Variants in HS1BP3 observed in about 807,000 individuals in gnomAD.
HS1BP3 encodes the protein HCLS1 binding protein 3.
HS1BP3 carries 32 observed loss-of-function variants against 33.5 expected under a neutral mutation model. That is an observed-to-expected ratio of 0.95 (90% CI 0.72 to 1.28). The LOEUF (loss-of-function observed/expected upper bound fraction) is 1.28, where lower values mean the gene tolerates loss of function less well. Among genes scored for constraint, HS1BP3 ranks in the 50% most tolerant of loss-of-function variants. HS1BP3 has a pLI of 0.00. For synonymous variants in HS1BP3, 187 were observed against 209.2 expected (o/e 0.89, Z 0.92); for missense variants, 486 against 502.3 (o/e 0.97, Z 0.31).
At position 20,569,798 on chromosome 2, in the gene HS1BP3, C is replaced by T. The variant is rs982197667; in HGVS notation, c.303-9283G>A. On this transcript the variant is annotated intron_variant, in intron 5 of 5. Coordinates refer to the HS1BP3 transcript ENST00000446825. ...GGCTGTGGGCTAAGTTCTAGAGTAT[C>T]CAGGAAGCCCAAGCCTCACACATTC... 2.6e-5 allele frequency among the ~76,000 whole-genome samples: 4 copies of T among 152,340 alleles called. 1 individual carries two copies. In the South Asian group the frequency reaches 8.3e-4, roughly 32 times the overall value.
At chr2:20,572,160 C>T (rs1247048610) in intron 5 of HS1BP3, among the ~76,000 whole-genome samples, 1 of 152,204 alleles carries the variant, frequency 6.6e-6, no homozygotes, top group African/African-American at 2.4e-5. Context: ...GCAGGGCGGC[C>T]CAGGGGAGAG....
chr2:20,554,074 G>A, the HS1BP3 span, among the ~76,000 whole-genome samples: 1 of 152,110 alleles, frequency 6.6e-6, no homozygotes, highest in African/African-American at 2.4e-5. Context: ...TGACATCTAT[G>A]TTACATTACA....
chr2:20,597,925 C>T (rs1227674759), intron 3 of HS1BP3, among the ~76,000 whole-genome samples: 2 of 152,094 alleles, frequency 1.3e-5, no homozygotes, highest in Non-Finnish European at 1.5e-5. Context: ...GCCTCCTTAT[C>T]GAAGACTCCC....
intron 4 of HS1BP3, among the ~76,000 whole-genome samples, chr2:20,631,947 A>G (rs985685896): frequency 6.6e-6 from 1 of 152,242 alleles, no homozygotes; most frequent in Non-Finnish European, 1.5e-5. Context: ...AGGAAGCCAG[A>G]CCACAGCCTC....
At chr2:20,569,633 C>T (rs777225989) in intron 5 of HS1BP3, among the ~76,000 whole-genome samples, 9 of 152,366 alleles carry the variant, frequency 5.9e-5, no homozygotes, top group Admixed American at 1.3e-4. Flanking sequence ...AACAAACCCA[C>T]AGCCATGCCT....
intron 5 of HS1BP3, among the ~76,000 whole-genome samples, chr2:20,571,086 C>T (rs1198864679): frequency 1.3e-5 from 2 of 152,288 alleles, no homozygotes; most frequent in Admixed American, 1.3e-4. Flanking sequence ...CCATCTTCTT[C>T]CGCTGCTCTG....
rs570022524 is a variant in HS1BP3, at chr2:20,624,458, A to G, written c.784+274T>C. ...TGCACAGAGCCCTCCAGCAGAGTCCATGCAGGCGACACAGAGTCCCATTAA... is the reference window on the plus strand; with the variant it reads ...TGCACAGAGCCCTCCAGCAGAGTCCGTGCAGGCGACACAGAGTCCCATTAA... On this transcript the variant is annotated intron_variant, in intron 5 of 6. Coordinates refer to ENST00000304031, the MANE Select transcript of HS1BP3 (RefSeq NM_022460.4). 1.6e-4 allele frequency among the ~76,000 whole-genome samples: 25 copies of G among 152,280 alleles called. No individual in the cohort carries two copies. The South Asian group carries it at 5.0e-3, about 30-fold the overall frequency.
chr2:20,647,859 G>C (rs2149305204), intron 1 of HS1BP3, among the ~76,000 whole-genome samples: 1 of 152,264 alleles, frequency 6.6e-6, no homozygotes, highest in Admixed American at 6.5e-5. Flanking sequence ...TGCAGATTCT[G>C]GTTCTGCAGG....
At chr2:20,579,993 A>G (rs1457660656) in intron 5 of HS1BP3, among the ~76,000 whole-genome samples, 2 of 152,200 alleles carry the variant, frequency 1.3e-5, no homozygotes, top group African/African-American at 4.8e-5. Context: ...TTGTTTGTGG[A>G]TCTGTTTCTA....
At chr2:20,576,533 G>A (rs530381167) in intron 5 of HS1BP3, among the ~76,000 whole-genome samples, 2 of 152,264 alleles carry the variant, frequency 1.3e-5, no homozygotes, top group South Asian at 4.2e-4. Context: ...AATATCAGAG[G>A]AGGGCTGGAA....
At chr2:20,564,793 C>T (rs1007130600) in intron 5 of HS1BP3, among the ~76,000 whole-genome samples, 4 of 152,244 alleles carry the variant, frequency 2.6e-5, no homozygotes, top group African/African-American at 7.2e-5. Flanking sequence ...CCAGAAATAG[C>T]CTTTCTATTT....
rs200546426 is a variant in HS1BP3 at position 20,629,462 on chromosome 2, T to C, written c.624-4570A>G. 2.2e-4 allele frequency among the ~76,000 whole-genome samples: 34 copies of C among 152,126 alleles called. 1 individual carries two copies. Among genetic ancestry groups the C allele is most frequent in the African/African-American group, 1.7e-4 (7 of 41,440 alleles). On this transcript the variant is annotated intron_variant, in intron 4 of 6. Transcript: ENST00000304031. ...GGAAGGGTGCCCTCTTCTCCCTTCATTGGAAGGACAGCTGGTCATGATTAG... is the reference window on the plus strand; with the variant it reads ...GGAAGGGTGCCCTCTTCTCCCTTCACTGGAAGGACAGCTGGTCATGATTAG...
At chr2:20,622,115 A>C in intron 6 of HS1BP3, 1 of 1,167,970 alleles carries the variant, frequency 8.6e-7, no homozygotes. Context: ...CTCAGTGTAC[A>C]CCCCACGCGG....
chr2:20,598,346 G>C (rs1693990242), intron 2 of HS1BP3: 1 of 266,552 alleles, frequency 3.8e-6, no homozygotes, highest in Non-Finnish European at 8.2e-6. Context: ...TCTTGAATGA[G>C]CAAGGGCTCG....
At chr2:20,633,215 T>C (rs1398521610) in intron 4 of HS1BP3, among the ~76,000 whole-genome samples, 1 of 152,006 alleles carries the variant, frequency 6.6e-6, no homozygotes, top group Non-Finnish European at 1.5e-5. Context: ...ATCCTGGGGG[T>C]TTCCAGCTGC....
At chr2:20,642,313 ACCAC>A (rs1695378459) in intron 2 of HS1BP3, among the ~76,000 whole-genome samples, 1 of 152,014 alleles carries the variant, frequency 6.6e-6, no homozygotes, top group East Asian at 1.9e-4. Flanking sequence ...CTCCAGCAAC[ACCAC>A]CCAGAATGCC....
chr2:20,554,976 C>T, the HS1BP3 span, among the ~76,000 whole-genome samples: 2 of 152,192 alleles, frequency 1.3e-5, no homozygotes, highest in Non-Finnish European at 2.9e-5. Context: ...CAGCATCCTG[C>T]CCTTCTGCCA....
At chr2:20,597,627 C>G (rs1693972833) in intron 3 of HS1BP3, among the ~76,000 whole-genome samples, 1 of 151,514 alleles carries the variant, frequency 6.6e-6, no homozygotes, top group Admixed American at 6.6e-5. Context: ...ATATGCCATG[C>G]ATGTCAACGC....
rs763704148 is a variant in HS1BP3, at chr2:20,624,026, T to C, written c.790A>G (p.Lys264Glu). Reference protein sequence around the residue: ...SEDVSSVDPLKLFDDPDLGGA... With the variant: ...SEDVSSVDPLELFDDPDLGGA... ...CCGAGGTCAGGATCATCAAATAGCT[T>C]CAGGGCTGTGGGAAGGCAGCAGCAG... Residue 264 changes from lysine to glutamate, a missense_variant, in exon 6 of 7, where the codon AAG (lysine) becomes GAG (glutamate). Lys to Glu is a moderately conservative substitution (Grantham distance 56). Transcript: ENST00000304031. 2 of 1,611,446 alleles carry C rather than the reference T, an allele frequency of 1.2e-6. No individual in the cohort carries two copies. Among genetic ancestry groups the C allele is most frequent in the South Asian group, 1.1e-5 (1 of 90,968 alleles).
Sources: allele counts gnomAD v4.1 joint callset (sites outside exome capture counted in the v4.1 genomes callset), GRCh38; gene constraint gnomAD v4.1.1; transcripts MANE v1.5; gene names NCBI Gene and HGNC (gene_info 2026-07-23, HGNC 2026-07-21).